The following SPATA16 variants were observed in gnomAD, a reference collection of about 807,000 sequenced individuals.
The protein encoded by SPATA16 is spermatogenesis associated 16, also known as spermatogenesis-associated protein 16.
Under a neutral mutation model 63.3 loss-of-function variants are expected in SPATA16, and 36 were observed. The ratio of observed to expected loss-of-function variants is 0.57; its 90% confidence interval spans 0.44 to 0.75. The LOEUF (loss-of-function observed/expected upper bound fraction) is 0.75, where lower values mean the gene tolerates loss of function less well. Ranked by LOEUF, SPATA16 falls within the 30% of genes least tolerant of loss-of-function variation. The pLI is 0.00. For synonymous variants in SPATA16, 203 were observed against 216.7 expected (o/e 0.94, Z 0.56); for missense variants, 646 against 679.3 (o/e 0.95, Z 0.54).
chr3:172,994,188 G>A (rs949744174), intron 4 of SPATA16, among the ~76,000 whole-genome samples: 2 of 152,102 alleles, frequency 1.3e-5, no homozygotes, highest in African/African-American at 2.4e-5. Flanking sequence ...AAGAGTATGT[G>A]ACTCCTGGTA....
chr3:172,960,428 G>C (rs972949814), intron 5 of SPATA16, among the ~76,000 whole-genome samples: 1 of 152,134 alleles, frequency 6.6e-6, no homozygotes, highest in African/African-American at 2.4e-5. Context: ...GTTTACCTTT[G>C]GGAGTTCTAA....
chr3:172,989,884 T>C (rs573524146), intron 4 of SPATA16, among the ~76,000 whole-genome samples: 18 of 152,344 alleles, frequency 1.2e-4, no homozygotes, highest in Admixed American at 6.5e-5. Context: ...GCAAAACTTA[T>C]AGAAGCTTAC....
chr3:173,099,156 C>T (rs1186683291), intron 2 of SPATA16, among the ~76,000 whole-genome samples: 1 of 152,076 alleles, frequency 6.6e-6, no homozygotes, highest in Admixed American at 6.6e-5. Flanking sequence ...ATGCCTAGGT[C>T]ATTCACCTCA....
chr3:173,049,860 C>CT (rs1011893575), intron 2 of SPATA16, among the ~76,000 whole-genome samples: 2 of 151,796 alleles, frequency 1.3e-5, no homozygotes, highest in Admixed American at 6.6e-5. Context: ...AAGATCGGCA[C>CT]TTTTTTTTCC....
chr3:173,084,586 C>A (rs1382681311), intron 2 of SPATA16, among the ~76,000 whole-genome samples: 3 of 152,144 alleles, frequency 2.0e-5, no homozygotes, highest in African/African-American at 7.2e-5. Context: ...GTCATGAAAT[C>A]TTTGCCTGTC....
In SPATA16 at chr3:172,986,218, C is replaced by T. The variant is rs549457764; in HGVS notation, c.849-9166G>A. Reference sequence around the variant, plus strand: ...TAAGTGCTCAGTAAATATTGATTGGCTGCTGTTACAAATAGTAATAGTAGT... The same window carrying T: ...TAAGTGCTCAGTAAATATTGATTGGTTGCTGTTACAAATAGTAATAGTAGT... On this transcript the variant is annotated intron_variant, in intron 4 of 10. Coordinates refer to ENST00000351008, the MANE Select transcript of SPATA16 (RefSeq NM_031955.6). 6.6e-5 allele frequency among the ~76,000 whole-genome samples: 10 copies of T among 152,242 alleles called. No individual in the cohort carries two copies. In the South Asian group the frequency reaches 1.9e-3, roughly 28 times the overall value.
At chr3:172,893,862 C>T (rs774121787) in intron 10 of SPATA16, among the ~76,000 whole-genome samples, 1 of 151,832 alleles carries the variant, frequency 6.6e-6, no homozygotes, top group Middle Eastern at 3.2e-3. Context: ...TTCATGTAGT[C>T]TGAATCAAGG....
At chr3:173,122,545 A>C (rs1449326840) in intron 1 of SPATA16, among the ~76,000 whole-genome samples, 1 of 152,192 alleles carries the variant, frequency 6.6e-6, no homozygotes, top group East Asian at 1.9e-4. Context: ...ACTTGCTGTT[A>C]AATGTAACCA....
intron 10 of SPATA16, among the ~76,000 whole-genome samples, chr3:172,911,944 C>T (rs530192823): frequency 6.6e-6 from 1 of 152,294 alleles, no homozygotes; most frequent in South Asian, 2.1e-4. Context: ...TCTCTTCTCC[C>T]CACCACAGCC....
At chr3:172,904,343 G>A (rs958887331) in intron 10 of SPATA16, among the ~76,000 whole-genome samples, 14 of 152,194 alleles carry the variant, frequency 9.2e-5, no homozygotes, top group African/African-American at 2.9e-4. Flanking sequence ...TTGATAATTT[G>A]TGGGGTAATA....
intron 2 of SPATA16, among the ~76,000 whole-genome samples, chr3:173,082,239 T>C (rs543727521): frequency 2.6e-5 from 4 of 152,294 alleles, no homozygotes; most frequent in Admixed American, 2.6e-4. Context: ...CAAATCAAGC[T>C]AACAAACCAT....
intron 1 of SPATA16, among the ~76,000 whole-genome samples, chr3:173,122,813 C>T (rs1481662314): frequency 6.6e-6 from 1 of 152,130 alleles, no homozygotes; most frequent in East Asian, 1.9e-4. Context: ...CCGTGAACTG[C>T]TGGAGAGGCA....
chr3:172,994,297 A>G (rs1734648872), intron 4 of SPATA16, among the ~76,000 whole-genome samples: 1 of 152,146 alleles, frequency 6.6e-6, no homozygotes, highest in African/African-American at 2.4e-5. Context: ...TTCACGGAAT[A>G]TCCACTAGTA....
At chr3:172,971,911 T>C (rs144152116) in intron 5 of SPATA16, among the ~76,000 whole-genome samples, 30 of 152,170 alleles carry the variant, frequency 2.0e-4, no homozygotes, top group African/African-American at 6.3e-4. Context: ...GAGAAGGAGT[T>C]GTAAAAGAGT....
intron 2 of SPATA16, among the ~76,000 whole-genome samples, chr3:173,111,041 G>A (rs1261198166): frequency 6.6e-6 from 1 of 152,230 alleles, no homozygotes; most frequent in African/African-American, 2.4e-5. Flanking sequence ...AAAAGCAGGA[G>A]TGTAAAGAAG....
At chr3:173,091,751 AC>A (rs1737227979) in intron 2 of SPATA16, among the ~76,000 whole-genome samples, 1 of 152,124 alleles carries the variant, frequency 6.6e-6, no homozygotes, top group Non-Finnish European at 1.5e-5. Context: ...TTCATATAAA[AC>A]CAATTGATTT....
intron 4 of SPATA16, among the ~76,000 whole-genome samples, chr3:172,983,021 T>G (rs1234843366): frequency 1.3e-5 from 2 of 152,220 alleles, no homozygotes; most frequent in Non-Finnish European, 2.9e-5. Context: ...TTCATCACCT[T>G]GCCTTTAGGC....
intron 10 of SPATA16, among the ~76,000 whole-genome samples, chr3:172,906,212 T>C (rs1499627): frequency 0.13 from 19,925 of 152,096 alleles, 1,862 homozygotes; most frequent in African/African-American, 0.26. Context: ...GACCTTGGGA[T>C]TCAATGGTAA....
chr3:172,970,150 G>A (rs1031850344), intron 5 of SPATA16, among the ~76,000 whole-genome samples: 1 of 152,154 alleles, frequency 6.6e-6, no homozygotes, highest in Non-Finnish European at 1.5e-5. Flanking sequence ...GTCAGCTTTG[G>A]AACTAGAAGT....
Sources: allele counts gnomAD v4.1 joint callset (sites outside exome capture counted in the v4.1 genomes callset), GRCh38; gene constraint gnomAD v4.1.1; transcripts MANE v1.5; gene names NCBI Gene and HGNC (gene_info 2026-07-23, HGNC 2026-07-21).